The following SKAP2 variants were observed in gnomAD, a reference collection of about 807,000 sequenced individuals.
SKAP2 encodes src kinase-associated phosphoprotein 2.
A neutral mutation model predicts 54.9 loss-of-function variants in SKAP2; 28 were observed. The ratio of observed to expected loss-of-function variants is 0.51; its 90% CI spans 0.38 to 0.70. The LOEUF (loss-of-function observed/expected upper bound fraction) is 0.70. Ranked by LOEUF, SKAP2 falls within the 30% of genes least tolerant of loss-of-function variation. SKAP2 has a pLI of 0.00. For synonymous variants in SKAP2, 137 were observed against 134.3 expected (o/e 1.02, Z -0.14); for missense variants, 356 against 424.1 (o/e 0.84, Z 1.41).
chr7:26,845,097 T>C (rs912000938), intron 3 of SKAP2, among the ~76,000 whole-genome samples: 4 of 152,184 alleles, frequency 2.6e-5, no homozygotes, highest in African/African-American at 9.7e-5. Context: ...GAATTCAAGT[T>C]ACCTGACAGA....
chr7:26,703,233 C>A (rs1029768733), intron 9 of SKAP2, among the ~76,000 whole-genome samples: 1 of 151,922 alleles, frequency 6.6e-6, no homozygotes, highest in Non-Finnish European at 1.5e-5. Flanking sequence ...ACCTGATGAG[C>A]TTTAAAAAAA....
chr7:26,850,591 A>T (rs1427517620), intron 3 of SKAP2, among the ~76,000 whole-genome samples: 3 of 151,974 alleles, frequency 2.0e-5, no homozygotes, highest in Admixed American at 2.0e-4. Context: ...ATCTCAAAAA[A>T]AAAAGAAAAA....
intron 1 of SKAP2, among the ~76,000 whole-genome samples, chr7:26,862,424 C>T (rs1008634757): frequency 1.4e-5 from 2 of 147,822 alleles, no homozygotes; most frequent in Admixed American, 6.8e-5. Flanking sequence ...AAAGTGTAAT[C>T]CAAATTTCCA....
At chr7:26,780,557 G>C (rs1783405209) in intron 4 of SKAP2, among the ~76,000 whole-genome samples, 1 of 151,976 alleles carries the variant, frequency 6.6e-6, no homozygotes, top group Non-Finnish European at 1.5e-5. Flanking sequence ...TAACTTATGG[G>C]CACTGAAATT....
chr7:26,657,722 A>G, the SKAP2 span, among the ~76,000 whole-genome samples: 322 of 148,312 alleles, frequency 2.2e-3, 2 homozygotes, highest in African/African-American at 8.1e-3. Context: ...AGCCAAAGAA[A>G]AAAAAAATCC....
At chr7:26,657,985 ATAT>A in the SKAP2 span, among the ~76,000 whole-genome samples, 5 of 152,058 alleles carry the variant, frequency 3.3e-5, no homozygotes, top group Non-Finnish European at 5.9e-5. Flanking sequence ...GTCTTCCCAA[ATAT>A]TATTTGTAGG....
chr7:26,797,946 A>G (rs150281086), intron 4 of SKAP2, among the ~76,000 whole-genome samples: 3,961 of 151,686 alleles, frequency 0.026, 166 homozygotes, highest in African/African-American at 0.09. Context: ...AGCAGAATTG[A>G]TCAAGCAGAA....
chr7:26,810,214 A>G (rs751831681), intron 4 of SKAP2, among the ~76,000 whole-genome samples: 5 of 152,144 alleles, frequency 3.3e-5, no homozygotes, highest in African/African-American at 4.8e-5. Context: ...ACACCCTTGT[A>G]GTCCTAACCA....
Position 26,793,976 on chromosome 7 carries a change from G to A in SKAP2, c.307+50054C>T, listed in dbSNP as rs528558804. Among the ~76,000 whole-genome samples the A allele has an allele frequency of 3.9e-5, 6 of 152,260 alleles. No homozygotes were observed. In the South Asian group the frequency reaches 1.2e-3, roughly 32 times the overall value. ...AAATCAAAGCCAGAGTAAGGAGTTGGTTAAGTATCTACAGAAATTCTGATA... is the reference window on the plus strand; with the variant it reads ...AAATCAAAGCCAGAGTAAGGAGTTGATTAAGTATCTACAGAAATTCTGATA... On this transcript the variant is annotated intron_variant, in intron 4 of 12. Coordinates refer to ENST00000345317, the MANE Select transcript of SKAP2 (RefSeq NM_003930.5).
At chr7:26,774,540 C>T (rs960064238) in intron 4 of SKAP2, among the ~76,000 whole-genome samples, 2 of 151,564 alleles carry the variant, frequency 1.3e-5, no homozygotes, top group Non-Finnish European at 2.9e-5. Flanking sequence ...TATATACATA[C>T]ACACCTATGT....
intron 4 of SKAP2, among the ~76,000 whole-genome samples, chr7:26,804,790 C>A (rs1783992565): frequency 1.3e-5 from 2 of 148,928 alleles, no homozygotes; most frequent in Non-Finnish European, 3.0e-5. Context: ...AATAAAAAGG[C>A]AATTTATTAA....
intron 4 of SKAP2, among the ~76,000 whole-genome samples, chr7:26,745,486 C>T (rs992422203): frequency 6.6e-6 from 1 of 152,144 alleles, no homozygotes; most frequent in African/African-American, 2.4e-5. Flanking sequence ...ATAAATTGGC[C>T]ACCTCCTGGG....
intron 4 of SKAP2, among the ~76,000 whole-genome samples, chr7:26,811,741 G>A (rs1784150708): frequency 6.6e-6 from 1 of 152,112 alleles, no homozygotes; most frequent in Non-Finnish European, 1.5e-5. Context: ...TATTAAAAGA[G>A]AAGAAAAGGG....
Position 26,854,069 on chromosome 7 carries a change from T to TA in SKAP2, c.199+67dup, listed in dbSNP as rs1233619125. 3 of 1,010,752 alleles carry TA rather than the reference T, an allele frequency of 3.0e-6. No individual in the cohort carries two copies. The African/African-American group carries it at 4.9e-5, about 17-fold the overall frequency. 62.6% of individuals were successfully genotyped at this position (1,010,752 alleles called of 1,614,324 possible). A position where few individuals can be genotyped will look rare whatever the true frequency, so the allele number is the denominator to read the frequency against. ...CCAACTATCAAATTTCAGTATGTGT[T>TA]AGATTATCCTATTGAAAATTTCCAC... On this transcript the variant is annotated intron_variant, in intron 3 of 12. Transcript: ENST00000345317.
At chr7:26,848,522 G>A (rs551473662) in intron 3 of SKAP2, among the ~76,000 whole-genome samples, 1 of 152,106 alleles carries the variant, frequency 6.6e-6, no homozygotes, top group East Asian at 1.9e-4. Context: ...CCCCAAGATA[G>A]CTCATTATAT....
intron 11 of SKAP2, 103 bp downstream of exon 11, chr7:26,684,633 G>T: frequency 1.5e-6 from 1 of 664,190 alleles, no homozygotes; most frequent in South Asian, 1.9e-5. Context: ...GGACCTAGAA[G>T]AATTCCAATT....
At chr7:26,849,418 TG>T (rs1166381259) in intron 3 of SKAP2, among the ~76,000 whole-genome samples, 2 of 152,098 alleles carry the variant, frequency 1.3e-5, no homozygotes, top group Non-Finnish European at 2.9e-5. Flanking sequence ...CCGGGCACAG[TG>T]GTCCACACCT....
chr7:26,712,749 T>C (rs1562583916), intron 9 of SKAP2, among the ~76,000 whole-genome samples: 1 of 152,236 alleles, frequency 6.6e-6, no homozygotes, highest in Non-Finnish European at 1.5e-5. Flanking sequence ...TTAGTATAAT[T>C]ATCATCATAT....
At chr7:26,697,262 G>A (rs1310842405) in intron 9 of SKAP2, among the ~76,000 whole-genome samples, 3 of 152,154 alleles carry the variant, frequency 2.0e-5, no homozygotes, top group Non-Finnish European at 4.4e-5. Context: ...GCACTCCTTT[G>A]TTTCAGGAGC....
Sources: gnomAD v4.1 joint callset for allele counts (sites outside exome capture counted in the v4.1 genomes callset) on GRCh38, gnomAD v4.1.1 for gene constraint, MANE v1.5 for transcripts, NCBI Gene and HGNC (gene_info 2026-07-23, HGNC 2026-07-21) for gene names.